TBC1D16: variants seen among roughly 807,000 people sequenced by gnomAD.
The protein encoded by TBC1D16 is TBC1 domain family member 16.
In TBC1D16, 58 loss-of-function variants were observed where a neutral mutation model predicts 74.7. That is an observed-to-expected ratio of 0.78 (90% CI 0.63 to 0.97). The LOEUF (loss-of-function observed/expected upper bound fraction) is 0.97. Among genes scored for constraint, TBC1D16 ranks in the 50% least tolerant of loss-of-function variants. The probability of loss-of-function intolerance (pLI) is 0.00; values close to 1 mark genes in which losing one functional copy is unlikely to be tolerated. For synonymous variants in TBC1D16, 493 were observed against 474.7 expected (o/e 1.04, Z -0.50); for missense variants, 1,014 against 1,079.5 (o/e 0.94, Z 0.85).
At position 79,947,732 on chromosome 17, in the gene TBC1D16, C is replaced by T. The variant is rs922551168; in HGVS notation, c.1641G>A (p.Glu547=). Reference sequence around the variant, plus strand: ...CCACAAAGCACCAGAAGGTGTCTGACTCATCCAGGACCTCGGCCAAGATGG... The same window carrying T: ...CCACAAAGCACCAGAAGGTGTCTGATTCATCCAGGACCTCGGCCAAGATGG... ...VAPILAEVLD[E]SDTFWCFVGL... The change falls in exon 9 of 12, where the codon GAG becomes GAA. Residue 547 remains glutamate, a synonymous_variant. Transcript: ENST00000310924. The T allele has an allele frequency of 6.2e-7, 1 of 1,614,128 alleles. No homozygotes were observed. The highest frequency in any genetic ancestry group is 1.3e-5 in the African/African-American group (1 of 75,068).
Position 79,979,117 on chromosome 17 carries a change from C to G in TBC1D16, c.780-26299G>C, listed in dbSNP as rs913625902. Among the ~76,000 whole-genome samples, 4 of 152,374 alleles carry G rather than the reference C, an allele frequency of 2.6e-5. No homozygotes were observed. The South Asian group carries it at 8.3e-4, about 32-fold the overall frequency. ...AAAGCGCCCTCGTGGGCTCCACGCT[C>G]TCAGCCTGTCCATCAGCAGCACACC... On this transcript the variant is annotated intron_variant, in intron 3 of 11. Transcript: ENST00000310924. This position sits in a 1 kb window ranked among gnomAD's most constrained non-coding sequence, Gnocchi z 4.8.
At chr17:79,991,901 G>A in intron 3 of TBC1D16, 1 of 151,726 alleles carries the variant, frequency 6.6e-6, no homozygotes, top group African/African-American at 2.4e-5. Context: ...GCTGGCGGGG[G>A]TGGGGGGATG....
At chr17:80,002,628 G>A (rs1048791158) in intron 3 of TBC1D16, among the ~76,000 whole-genome samples, 4 of 152,208 alleles carry the variant, frequency 2.6e-5, no homozygotes, top group African/African-American at 7.2e-5. Context: ...GGGTCGCTAC[G>A]TTTCTAGGGT....
In TBC1D16 at chr17:79,945,001, G is replaced by A. The variant is rs1288728116; in HGVS notation, c.1815C>T (p.Leu605=). 5.1e-6 allele frequency: 8 copies of A among 1,575,542 alleles called. No individual in the cohort carries two copies. In the African/African-American group the frequency reaches 6.7e-5, roughly 13 times the overall value. ...ACAGAAGGAGCCAGCGGTGGCAGAA[G>A]AGCATCTGCAGGCCGTCCTCGCCCA... ...VSLGEDGLQM[L]FCHRWLLLCF... The change falls in exon 10 of 12, where the codon CTC becomes CTT. Residue 605 remains leucine, a synonymous_variant. Transcript: ENST00000310924.
rs181008040 is a variant in TBC1D16, at chr17:79,971,211, T to C, written c.780-18393A>G. On this transcript the variant is annotated intron_variant, in intron 3 of 11. Transcript: ENST00000310924. This position sits in a 1 kb window ranked among gnomAD's most constrained non-coding sequence, Gnocchi z 4.6. ...CTAATTTGTGTATTTTTAGTAGAGA[T>C]GGGGTTTCACCATGTTGGCCAGGCT... is the stretch of plus-strand genomic sequence containing the variant. Among the ~76,000 whole-genome samples the C allele has an allele frequency of 6.9e-3, 1,049 of 152,118 alleles. 7 individuals carry two copies. Among genetic ancestry groups the C allele is most frequent in the South Asian group, 0.027 (128 of 4,810 alleles).
At position 80,007,704 on chromosome 17, in the gene TBC1D16, G is replaced by A. The variant is rs1411603140; in HGVS notation, c.779+2456C>T. The stretch of plus-strand genomic sequence containing the variant: ...TAAGCTGGCCGGTTAGGAGAGAGGG[G>A]AAGGAGGAAGCCTAGGTAGAGGGGA... On this transcript the variant is annotated intron_variant, in intron 3 of 11. Transcript: ENST00000310924. This position sits in a 1 kb window ranked among gnomAD's most constrained non-coding sequence, Gnocchi z 4.5. Among the ~76,000 whole-genome samples the A allele has an allele frequency of 6.6e-6, 1 of 152,188 alleles. No individual in the cohort carries two copies. Among genetic ancestry groups the A allele is most frequent in the Non-Finnish European group, 1.5e-5 (1 of 68,040 alleles).
intron 1 of TBC1D16, among the ~76,000 whole-genome samples, chr17:80,018,285 T>C (rs1350446101): frequency 1.3e-5 from 2 of 149,990 alleles, no homozygotes; most frequent in Admixed American, 1.3e-4. Flanking sequence ...TTTCTTTATT[T>C]TTTTTTTATT....
intron 1 of TBC1D16, among the ~76,000 whole-genome samples, chr17:80,019,488 G>T: frequency 7.6e-6 from 1 of 131,342 alleles, no homozygotes; most frequent in African/African-American, 3.1e-5. Flanking sequence ...GGCTCTTTTT[G>T]GAGAAATGGA....
At position 79,973,488 on chromosome 17, in the gene TBC1D16, T is replaced by C. The variant is rs57170466; in HGVS notation, c.780-20670A>G. On this transcript the variant is annotated intron_variant, in intron 3 of 11. Transcript: ENST00000310924. ...ACTTTGGAAGGCCAAGGCGGGCGGA[T>C]CACAAGGTCAGGAGATCAAGACCAT... Among the ~76,000 whole-genome samples, 274 of 152,210 alleles carry C rather than the reference T, an allele frequency of 1.8e-3. 1 individual carries two copies. Among genetic ancestry groups the C allele is most frequent in the African/African-American group, 6.3e-3 (260 of 41,524 alleles).
chr17:79,969,891 G>A (rs748609410), intron 3 of TBC1D16, among the ~76,000 whole-genome samples: 1 of 152,110 alleles, frequency 6.6e-6, no homozygotes, highest in East Asian at 1.9e-4. Context: ...GCAGTGAGCC[G>A]AGATCACGCC....
intron 3 of TBC1D16, among the ~76,000 whole-genome samples, chr17:79,958,216 ATTT>A (rs557536242): frequency 2.9e-5 from 4 of 137,448 alleles, no homozygotes; most frequent in Admixed American, 1.5e-4. Flanking sequence ...AAACTGACCA[ATTT>A]TTTTTTTTTT....
Position 79,950,835 on chromosome 17 carries a change from C to T in TBC1D16, c.1090-257G>A. The T allele has an allele frequency of 4.6e-6, 7 of 1,529,338 alleles. No homozygotes were observed. Among genetic ancestry groups the T allele is most frequent in the Non-Finnish European group, 6.1e-6 (7 of 1,142,810 alleles). 94.7% of individuals were successfully genotyped at this position (1,529,338 alleles called of 1,614,324 possible). A position where few individuals can be genotyped will look rare whatever the true frequency, so the allele number is the denominator to read the frequency against. On this transcript the variant is annotated intron_variant, in intron 5 of 11. Transcript: ENST00000310924. The surrounding 1 kb of genome is among the most constrained non-coding windows in gnomAD (Gnocchi z 4.6). The stretch of plus-strand genomic sequence containing the variant: ...CCGCCGCCCCCCACTCTCTCCAACC[C>T]CAGCCGCAAAAACGGAATGAATGCC...
chr17:79,977,336 G>T (rs1598377113), intron 3 of TBC1D16, among the ~76,000 whole-genome samples: 1 of 152,148 alleles, frequency 6.6e-6, no homozygotes, highest in African/African-American at 2.4e-5. Context: ...GATGGGAAGG[G>T]GTCCGTGTGG....
chr17:79,978,236 G>C (rs2034421590), intron 3 of TBC1D16, among the ~76,000 whole-genome samples: 1 of 152,244 alleles, frequency 6.6e-6, no homozygotes, highest in African/African-American at 2.4e-5. Context: ...CTCGCGGCAT[G>C]GGCGGCACAC....
intron 3 of TBC1D16, among the ~76,000 whole-genome samples, chr17:80,004,054 C>T (rs117274498): frequency 0.012 from 1,808 of 152,272 alleles, 18 homozygotes; most frequent in Non-Finnish European, 0.018. Context: ...GACTCTGTCT[C>T]TAAAAACGAA....
At chr17:79,958,666 T>C (rs1045806097) in intron 3 of TBC1D16, among the ~76,000 whole-genome samples, 5 of 152,178 alleles carry the variant, frequency 3.3e-5, no homozygotes, top group African/African-American at 1.2e-4. Flanking sequence ...CATGCACAGA[T>C]GCAGAAAAGC....
Position 80,009,552 on chromosome 17 carries a change from G to A in TBC1D16, c.779+608C>T, listed in dbSNP as rs549879830. On this transcript the variant is annotated intron_variant, in intron 3 of 11. Coordinates refer to ENST00000310924, the MANE Select transcript of TBC1D16 (RefSeq NM_019020.4). The surrounding 1 kb of genome is among the most constrained non-coding windows in gnomAD (Gnocchi z 5.4). ...ATACTCTGGCTGGACTCCCCAGGGTGCATAGCGGCTGCCAAGTCGGGTGAA... is the reference window on the plus strand; with the variant it reads ...ATACTCTGGCTGGACTCCCCAGGGTACATAGCGGCTGCCAAGTCGGGTGAA... Among the ~76,000 whole-genome samples the A allele has an allele frequency of 6.6e-6, 1 of 152,356 alleles. No individual in the cohort carries two copies. The highest frequency in any genetic ancestry group is 2.4e-5 in the African/African-American group (1 of 41,588).
intron 3 of TBC1D16, among the ~76,000 whole-genome samples, chr17:79,962,999 G>A (rs1196699240): frequency 3.3e-5 from 5 of 150,992 alleles, no homozygotes; most frequent in African/African-American, 4.9e-5. Flanking sequence ...GCAGTGAGCC[G>A]AGATCGCGCC....
chr17:79,975,178 C>T lies in TBC1D16; in HGVS notation c.780-22360G>A, dbSNP rs990453441. Among the ~76,000 whole-genome samples the T allele has an allele frequency of 2.0e-5, 3 of 152,210 alleles. No homozygotes were observed. Among genetic ancestry groups the T allele is most frequent in the African/African-American group, 2.4e-5 (1 of 41,448 alleles). ...AGCAGGGCTTTGGATTTTTGGACAG[C>T]GAGTTCTGTTTCATTTTGTTTTGTT... is the stretch of plus-strand genomic sequence containing the variant. On this transcript the variant is annotated intron_variant, in intron 3 of 11. Coordinates refer to ENST00000310924, the MANE Select transcript of TBC1D16 (RefSeq NM_019020.4). This position sits in a 1 kb window ranked among gnomAD's most constrained non-coding sequence, Gnocchi z 4.5.
Sources: gnomAD v4.1 joint callset for allele counts (sites outside exome capture counted in the v4.1 genomes callset) on GRCh38, gnomAD v4.1.1 for gene constraint, Gnocchi (gnomAD v3.1) non-coding constraint, MANE v1.5 for transcripts, NCBI Gene and HGNC (gene_info 2026-07-23, HGNC 2026-07-21) for gene names.